DEUP1: variants seen among roughly 807,000 people sequenced by gnomAD.
The protein encoded by DEUP1 is coiled-coil domain containing 67.
A neutral mutation model predicts 87.4 loss-of-function variants in DEUP1; 82 were observed. The ratio of observed to expected loss-of-function variants is 0.94; its 90% CI spans 0.78 to 1.13. The LOEUF (loss-of-function observed/expected upper bound fraction) is 1.13, where lower values mean the gene tolerates loss of function less well. Ranked by LOEUF, DEUP1 falls within the 50% of genes most tolerant of loss-of-function variation. DEUP1 has a pLI of 0.00. For synonymous variants in DEUP1, 214 were observed against 222.7 expected (o/e 0.96, Z 0.35); for missense variants, 663 against 681.5 (o/e 0.97, Z 0.30).
chr11:93,392,640 A>T (rs1302868617), intron 9 of DEUP1, among the ~76,000 whole-genome samples: 1 of 151,858 alleles, frequency 6.6e-6, no homozygotes. Flanking sequence ...CTTAATCTTT[A>T]CAGACATTGT....
chr11:93,370,172 T>A lies in DEUP1; in HGVS notation c.532T>A (p.Cys178Ser). 6.5e-7 allele frequency: 1 copy of A among 1,549,466 alleles called. No homozygotes were observed. Among genetic ancestry groups the A allele is most frequent in the Non-Finnish European group, 8.9e-7 (1 of 1,126,204 alleles). ...TCAACAAAAATTATTATCTGAGAAG[T>A]GTAATCAGTTTCAGGTAAGTTATCT... is the stretch of plus-strand genomic sequence containing the variant. ...DAQQKLLSEK[C>S]NQFQKQAQSY... Residue 178 changes from cysteine to serine, a missense_variant, in exon 6 of 14, where the codon TGT (cysteine) becomes AGT (serine). Transcript: ENST00000298050.
intron 13 of DEUP1, among the ~76,000 whole-genome samples, chr11:93,435,444 C>A (rs1591284403): frequency 6.6e-6 from 1 of 152,184 alleles, no homozygotes; most frequent in East Asian, 1.9e-4. Flanking sequence ...CAGGACTCAA[C>A]AGCATGACAA....
In DEUP1 at chr11:93,384,520, T is replaced by A. The variant is rs1198133550; in HGVS notation, c.790-878T>A. ...TTTACCTCTACTCTCTTCTAATGGG[T>A]CCTTGCCAACAACTGCTAACCTAGT... On this transcript the variant is annotated intron_variant, in intron 7 of 13. Transcript: ENST00000298050. Among the ~76,000 whole-genome samples the A allele has an allele frequency of 4.6e-5, 7 of 152,342 alleles. No individual in the cohort carries two copies. In the South Asian group the frequency reaches 8.3e-4, roughly 18 times the overall value.
chr11:93,350,998 T>A (rs1434338139), intron 2 of DEUP1, among the ~76,000 whole-genome samples: 2 of 148,064 alleles, frequency 1.4e-5, no homozygotes, highest in Non-Finnish European at 3.0e-5. Flanking sequence ...ATATGAAAAT[T>A]TATTTTCATA....
chr11:93,371,821 T>TA (rs1945743549), intron 7 of DEUP1, among the ~76,000 whole-genome samples: 3 of 152,362 alleles, frequency 2.0e-5, no homozygotes, highest in Admixed American at 6.5e-5. Context: ...TTTTTTTTCT[T>TA]AACTGAATAA....
intron 2 of DEUP1, among the ~76,000 whole-genome samples, chr11:93,352,837 A>G (rs1211165942): frequency 1.3e-5 from 2 of 152,114 alleles, no homozygotes; most frequent in Non-Finnish European, 2.9e-5. Flanking sequence ...CCATGATTCA[A>G]TTACCTCCCC....
rs56749226 is a variant in DEUP1, at chr11:93,362,299, T to C, written c.298-1861T>C. 7.6e-3 allele frequency among the ~76,000 whole-genome samples: 1,158 copies of C among 152,076 alleles called. 15 individuals are homozygous for C. Among genetic ancestry groups the C allele is most frequent in the African/African-American group, 0.027 (1,114 of 41,554 alleles). On this transcript the variant is annotated intron_variant, in intron 4 of 13. Transcript: ENST00000298050. ...ACCCCCAGCAATGGGGAGAAAATAT[T>C]TGTAAACCATATATTTGATAAGGGA... is the stretch of plus-strand genomic sequence containing the variant.
chr11:93,378,520 C>T (rs1366441526), intron 7 of DEUP1, among the ~76,000 whole-genome samples: 5 of 151,994 alleles, frequency 3.3e-5, no homozygotes, highest in Non-Finnish European at 1.5e-5. Context: ...ATTCACCTTT[C>T]TCTGGTGCCT....
At chr11:93,419,880 A>C (rs187117946) in intron 13 of DEUP1, among the ~76,000 whole-genome samples, 246 of 128,952 alleles carry the variant, frequency 1.9e-3, no homozygotes, top group African/African-American at 7.5e-3. Context: ...AATAAAATAA[A>C]AATTAAAAAA....
intron 2 of DEUP1, among the ~76,000 whole-genome samples, chr11:93,335,271 A>C (rs1486635517): frequency 6.9e-6 from 1 of 144,428 alleles, no homozygotes; most frequent in Non-Finnish European, 1.6e-5. Context: ...TATGATTTTG[A>C]CTCTGTCAAT....
intron 3 of DEUP1, among the ~76,000 whole-genome samples, chr11:93,356,097 C>T (rs1944882036): frequency 6.6e-6 from 1 of 152,160 alleles, no homozygotes; most frequent in Non-Finnish European, 1.5e-5. Flanking sequence ...TGCTCTCAGG[C>T]CTGCGAAGGC....
At chr11:93,365,007 C>T (rs1035093744) in intron 5 of DEUP1, among the ~76,000 whole-genome samples, 1 of 151,996 alleles carries the variant, frequency 6.6e-6, no homozygotes. Context: ...ACTATAAATT[C>T]CTATCATCTA....
intron 13 of DEUP1, among the ~76,000 whole-genome samples, chr11:93,419,854 T>TAATAA (rs200181053): frequency 3.5e-4 from 51 of 145,812 alleles, no homozygotes; most frequent in East Asian, 8.0e-4. Context: ...TTCAAAAAAA[T>TAATAA]AATAAAATAA....
chr11:93,435,974 C>A (rs559341823), intron 13 of DEUP1, among the ~76,000 whole-genome samples: 3 of 144,698 alleles, frequency 2.1e-5, no homozygotes, highest in African/African-American at 7.7e-5. Flanking sequence ...CCAGTGTGGG[C>A]GACAGAGTGA....
At chr11:93,373,418 C>A (rs1203208779) in intron 7 of DEUP1, among the ~76,000 whole-genome samples, 1 of 151,854 alleles carries the variant, frequency 6.6e-6, no homozygotes, top group African/African-American at 2.4e-5. Context: ...AGCTTAGCTC[C>A]TACTTATGAG....
intron 2 of DEUP1, among the ~76,000 whole-genome samples, chr11:93,349,929 G>A (rs1208191584): frequency 2.6e-5 from 4 of 152,158 alleles, no homozygotes; most frequent in Admixed American, 6.5e-5. Flanking sequence ...GTAAAAAAAG[G>A]GAAAAGGGTT....
intron 7 of DEUP1, among the ~76,000 whole-genome samples, chr11:93,382,763 C>G (rs1196226056): frequency 6.6e-6 from 1 of 152,186 alleles, no homozygotes; most frequent in Admixed American, 6.5e-5. Flanking sequence ...GGGAGACATT[C>G]ACATTAAGTC....
chr11:93,349,742 A>G lies in DEUP1; in HGVS notation c.30-5629A>G, dbSNP rs112030648. On this transcript the variant is annotated intron_variant, in intron 2 of 13. Transcript: ENST00000298050. Reference sequence around the variant, plus strand: ...CTGAGTATAGAGTGGTGAAGAAAAAATCTCTAGGAGCAATAGAAGGAAATA... The same window carrying G: ...CTGAGTATAGAGTGGTGAAGAAAAAGTCTCTAGGAGCAATAGAAGGAAATA... 1.3e-3 allele frequency among the ~76,000 whole-genome samples: 192 copies of G among 152,282 alleles called. 1 individual carries two copies. The highest frequency in any genetic ancestry group is 4.4e-3 in the African/African-American group (183 of 41,554).
At chr11:93,398,467 G>A (rs914540615) in intron 11 of DEUP1, among the ~76,000 whole-genome samples, 13 of 151,994 alleles carry the variant, frequency 8.6e-5, no homozygotes, top group Non-Finnish European at 1.5e-4. Context: ...AATAGCTATT[G>A]TTAAATCATA....
Sources: gnomAD v4.1 joint callset for allele counts (sites outside exome capture counted in the v4.1 genomes callset) on GRCh38, gnomAD v4.1.1 for gene constraint, MANE v1.5 for transcripts, NCBI Gene and HGNC (gene_info 2026-07-23, HGNC 2026-07-21) for gene names.